GALNT14: variants seen among roughly 807,000 people sequenced by gnomAD.
GALNT14 encodes the protein UDP-GalNAc:polypeptide N-acetylgalactosaminyltransferase 14.
In GALNT14, 60 loss-of-function variants were observed where a neutral mutation model predicts 77.5. The observed-to-expected ratio is 0.77, with a 90% CI of 0.63 to 0.96. The LOEUF is 0.96. Among genes scored for constraint, GALNT14 ranks in the 40% least tolerant of loss-of-function variants. GALNT14 has a pLI of 0.00. For missense variants in GALNT14, 710 were observed against 731.0 expected (o/e 0.97, Z 0.33); for synonymous variants, 280 against 281.7 (o/e 0.99, Z 0.06).
At chr2:30,947,999 C>T (rs944833314) in intron 6 of GALNT14, among the ~76,000 whole-genome samples, 1 of 152,204 alleles carries the variant, frequency 6.6e-6, no homozygotes, top group East Asian at 1.9e-4. Context: ...TCCTCTGGGG[C>T]TCTTGGGCCA....
intron 1 of GALNT14, among the ~76,000 whole-genome samples, chr2:31,014,435 GAGCAAACTCTTTTCCCC>G (rs1671218038): frequency 6.6e-6 from 1 of 152,086 alleles, no homozygotes; most frequent in Non-Finnish European, 1.5e-5. Context: ...ACCACACAGA[GAGCAAACTCTTTTCCCC>G]AGGACTGAGG....
intron 6 of GALNT14, among the ~76,000 whole-genome samples, chr2:30,950,390 G>A (rs533715758): frequency 6.2e-4 from 95 of 152,236 alleles, no homozygotes; most frequent in Non-Finnish European, 1.2e-3. Flanking sequence ...TGAGGACAGC[G>A]GATGACAGCT....
At chr2:31,021,087 C>G (rs1045204763) in intron 1 of GALNT14, among the ~76,000 whole-genome samples, 1 of 152,030 alleles carries the variant, frequency 6.6e-6, no homozygotes, top group East Asian at 1.9e-4. Flanking sequence ...ATGCCCATCT[C>G]GGAGCCAAGA....
the GALNT14 span, among the ~76,000 whole-genome samples, chr2:30,899,465 C>G: frequency 6.6e-6 from 1 of 152,198 alleles, no homozygotes; most frequent in Non-Finnish European, 1.5e-5. Context: ...TGCAGGCATT[C>G]TGGGCTGCTC....
At chr2:31,038,266 G>C (rs1007062186) in intron 1 of GALNT14, among the ~76,000 whole-genome samples, 4 of 150,716 alleles carry the variant, frequency 2.7e-5, no homozygotes, top group African/African-American at 9.8e-5. Flanking sequence ...GCTAATTTTT[G>C]TATTTTTAGT....
At position 31,077,338 on chromosome 2, in the gene GALNT14, A is replaced by G. The variant is rs72854886; in HGVS notation, c.129+60620T>C. Among the ~76,000 whole-genome samples, 672 of 152,262 alleles carry G rather than the reference A, an allele frequency of 4.4e-3. 3 individuals carry two copies. The highest frequency in any genetic ancestry group is 0.015 in the African/African-American group (633 of 41,548). On this transcript the variant is annotated intron_variant, in intron 1 of 14. Transcript: ENST00000349752. ...CTACATTCCTCAAGGAACTTATGAA[A>G]TCTAATATACACACCCATCTTTTAC...
chr2:31,022,492 T>C (rs1671780827), intron 1 of GALNT14, among the ~76,000 whole-genome samples: 1 of 152,174 alleles, frequency 6.6e-6, no homozygotes, highest in African/African-American at 2.4e-5. Flanking sequence ...ACACTCTACC[T>C]TTCCCCAAGT....
intron 14 of GALNT14, among the ~76,000 whole-genome samples, chr2:30,911,745 C>T (rs1278424466): frequency 6.6e-6 from 1 of 152,202 alleles, no homozygotes; most frequent in Non-Finnish European, 1.5e-5. Flanking sequence ...ATCTTGTTCT[C>T]TCTAACACCA....
chr2:31,082,759 C>T (rs1319120323), intron 1 of GALNT14, among the ~76,000 whole-genome samples: 1 of 152,150 alleles, frequency 6.6e-6, no homozygotes, highest in Non-Finnish European at 1.5e-5. Context: ...GTGGCTCACA[C>T]CTATAATCCC....
chr2:30,966,122 A>T, intron 3 of GALNT14, 82 bp downstream of exon 3: 1 of 1,007,384 alleles, frequency 9.9e-7, no homozygotes, highest in Non-Finnish European at 1.6e-6. Context: ...CTCCTAGTAC[A>T]GCGCTGGGCA....
rs922907629 is a variant in GALNT14, at chr2:30,932,182, C to T, written c.944G>A (p.Arg315Gln). 1.6e-5 allele frequency: 24 copies of T among 1,514,924 alleles called. No homozygotes were observed. In the African/African-American group the frequency reaches 2.0e-4, roughly 13 times the overall value. The allele number at this position is 1,514,924 out of a possible 1,614,324, so 93.8% of individuals were successfully genotyped here. ...WGGENFEISF[R>Q]VWMCGGSLEI... ...TAGGCTGCCCCCGCACATCCACACTCGGAAGGAGATTTCTGCAAGACAGTC... is the reference window on the plus strand; with the variant it reads ...TAGGCTGCCCCCGCACATCCACACTTGGAAGGAGATTTCTGCAAGACAGTC... The change falls in exon 10 of 15, where the codon CGA (arginine) becomes CAA (glutamine). Residue 315 changes from arginine (R) to glutamine (Q), a missense_variant. Arg to Gln is a conservative substitution (Grantham distance 43). Coordinates refer to ENST00000349752, the MANE Select transcript of GALNT14 (RefSeq NM_024572.4).
the GALNT14 span, among the ~76,000 whole-genome samples, chr2:30,896,011 T>A: frequency 5.4e-4 from 82 of 152,342 alleles, no homozygotes; most frequent in African/African-American, 1.9e-3. Context: ...CTGGGCAACC[T>A]CGACCAGTTA....
chr2:30,977,245 A>G (rs1296222142), intron 2 of GALNT14, among the ~76,000 whole-genome samples: 3 of 152,090 alleles, frequency 2.0e-5, no homozygotes, highest in Admixed American at 2.0e-4. Flanking sequence ...ATGCGCCAGT[A>G]TGCCCAGCCA....
Position 30,942,232 on chromosome 2 carries a change from C to T in GALNT14, c.900G>A (p.Met300Ile), listed in dbSNP as rs1389565807. 2 of 1,614,048 alleles carry T rather than the reference C, an allele frequency of 1.2e-6. No homozygotes were observed. Among genetic ancestry groups the T allele is most frequent in the South Asian group, 2.2e-5 (2 of 91,072 alleles). The change falls in exon 9 of 15, where the codon ATG becomes ATA. Residue 300 changes from methionine (M) to isoleucine (I), a missense_variant. Transcript: ENST00000349752. The stretch of plus-strand genomic sequence containing the variant: ...TCTCCCCACCCCAGATGTCCATGTC[C>T]ATATCATATTTCCCCAGGTAATCAA... Reference protein sequence around the residue: ...AWFDYLGKYDMDMDIWGGENF... With the variant: ...AWFDYLGKYDIDMDIWGGENF...
intron 1 of GALNT14, among the ~76,000 whole-genome samples, chr2:31,002,290 C>T (rs756551434): frequency 2.6e-5 from 4 of 151,922 alleles, no homozygotes; most frequent in South Asian, 2.1e-4. Context: ...ATTACCCGGG[C>T]GTGGTGATGT....
At chr2:30,915,390 G>A (rs568043345) in intron 13 of GALNT14, among the ~76,000 whole-genome samples, 1 of 152,304 alleles carries the variant, frequency 6.6e-6, no homozygotes, top group African/African-American at 2.4e-5. Context: ...ATGCTAAGTG[G>A]ACTTTCCATT....
At chr2:31,087,736 A>T (rs1418867595) in intron 1 of GALNT14, among the ~76,000 whole-genome samples, 3 of 152,228 alleles carry the variant, frequency 2.0e-5, no homozygotes, top group Non-Finnish European at 2.9e-5. Flanking sequence ...GATTCAGATG[A>T]AAGCACATCC....
At chr2:31,071,212 G>T (rs1675340978) in intron 1 of GALNT14, among the ~76,000 whole-genome samples, 1 of 152,062 alleles carries the variant, frequency 6.6e-6, no homozygotes, top group Non-Finnish European at 1.5e-5. Flanking sequence ...ACTTACTCAT[G>T]GAACCAGATA....
At chr2:31,029,449 A>C (rs901720688) in intron 1 of GALNT14, among the ~76,000 whole-genome samples, 1 of 152,208 alleles carries the variant, frequency 6.6e-6, no homozygotes, top group African/African-American at 2.4e-5. Flanking sequence ...AGCCAATCTC[A>C]CATGAAGACT....
Sources: allele counts gnomAD v4.1 joint callset (sites outside exome capture counted in the v4.1 genomes callset), GRCh38; gene constraint gnomAD v4.1.1; transcripts MANE v1.5; gene names NCBI Gene and HGNC (gene_info 2026-07-23, HGNC 2026-07-21).